Variants in SCAP observed in about 807,000 individuals in gnomAD.
SCAP encodes SREBF chaperone, also known as sterol regulatory element-binding protein cleavage-activating protein.
A neutral mutation model predicts 123.6 loss-of-function variants in SCAP; 65 were observed. The observed-to-expected ratio is 0.53, with a 90% confidence interval of 0.43 to 0.65. The LOEUF (loss-of-function observed/expected upper bound fraction) is 0.65. Among genes scored for constraint, SCAP ranks in the 30% least tolerant of loss-of-function variants. The pLI is 0.00. For missense variants in SCAP, 1,398 were observed against 1,712.5 expected (o/e 0.82, Z 3.24); for synonymous variants, 740 against 726.3 (o/e 1.02, Z -0.30).
intron 1 of SCAP, among the ~76,000 whole-genome samples, chr3:47,454,455 G>A (rs1331846908): frequency 1.3e-5 from 2 of 152,084 alleles, no homozygotes; most frequent in Non-Finnish European, 1.5e-5. Context: ...GGCCAGGCAC[G>A]GTGGCTCACA....
At position 47,419,555 on chromosome 3, in the gene SCAP, G is replaced by C; in HGVS notation, c.1713C>G (p.Ser571Arg). 6.2e-7 allele frequency: 1 copy of C among 1,613,148 alleles called. No individual in the cohort carries two copies. The highest frequency in any genetic ancestry group is 8.5e-7 in the Non-Finnish European group (1 of 1,179,386). ...MPVPSGMLPP[S>R]HPDPAFSIFP... ...AGATGGAGAAGGCAGGGTCCGGGTG[G>C]CTGGGGGGCAGCATGCCACTAGGCA... is the stretch of plus-strand genomic sequence containing the variant. The change falls in exon 13 of 23, where the codon AGC becomes AGG. Residue 571 changes from serine (S) to arginine (R), a missense_variant. Transcript: ENST00000265565. The surrounding 1 kb of genome is among the most constrained non-coding windows in gnomAD (Gnocchi z 5.0).
At chr3:47,422,646 C>A in intron 9 of SCAP, 110 bp from the exon 10 acceptor site, 1 of 857,086 alleles carries the variant, frequency 1.2e-6, no homozygotes, top group Non-Finnish European at 1.8e-6. Context: ...CCCCCCAGCC[C>A]TTTGAAGGAG....
At chr3:47,453,910 T>C (rs1379071533) in intron 1 of SCAP, among the ~76,000 whole-genome samples, 1 of 152,182 alleles carries the variant, frequency 6.6e-6, no homozygotes, top group East Asian at 1.9e-4. Context: ...CTAGATAAAA[T>C]GCTATTTCCT....
chr3:47,475,476 A>G (rs914046924), intron 1 of SCAP: 4 of 152,292 alleles, frequency 2.6e-5, no homozygotes, highest in African/African-American at 9.6e-5. Context: ...AGGTTCTACA[A>G]CAGCTTCCCG....
chr3:47,425,637 G>T (rs1159453428), intron 7 of SCAP, 26 bp from the exon 8 acceptor site: 1 of 1,611,094 alleles, frequency 6.2e-7, no homozygotes. Context: ...GGCGTATCAG[G>T]GCGGCCCCTC....
chr3:47,476,037 C>A (rs566352457), upstream of SCAP: 17 of 152,260 alleles, frequency 1.1e-4, no homozygotes, highest in South Asian at 4.1e-4. Context: ...GAACCACATT[C>A]GCGTCTCCCG....
In SCAP at chr3:47,448,091, T is replaced by C. The variant is rs374556340; in HGVS notation, c.-98-5000A>G. 9.5e-4 allele frequency among the ~76,000 whole-genome samples: 143 copies of C among 150,766 alleles called. 4 individuals are homozygous for C. The South Asian group carries it at 0.029, about 31-fold the overall frequency. On this transcript the variant is annotated intron_variant, in intron 1 of 22. Coordinates refer to ENST00000265565, the MANE Select transcript of SCAP (RefSeq NM_012235.4). ...CCTGTTTATCAAATTTGCAAAGAAC[T>C]GGCATGTTGAGTCTTCCAATCCATG...
rs536912199 is a variant in SCAP, at chr3:47,475,854, G to A, written c.-154C>T. The stretch of plus-strand genomic sequence containing the variant: ...GGCGGCGGCGGCGGCGACGGGGGCG[G>A]CAGCAGGGGCGGAGCGCGGCGTGCG... On this transcript the variant is annotated 5_prime_UTR_variant, in exon 1 of 23. Transcript: ENST00000265565. The A allele has an allele frequency of 2.9e-3, 469 of 161,222 alleles. 5 individuals are homozygous for A. The highest frequency in any genetic ancestry group is 4.4e-3 in the Non-Finnish European group (330 of 75,110). The allele number at this position is 161,222 out of a possible 1,614,324, so 10.0% of individuals were successfully genotyped here. A position where few individuals can be genotyped will look rare whatever the true frequency, so the allele number is the denominator to read the frequency against.
chr3:47,421,197 G>A (rs1705883348), intron 10 of SCAP, 168 bp from the exon 11 acceptor site: 3 of 637,176 alleles, frequency 4.7e-6, no homozygotes, highest in Non-Finnish European at 8.7e-6. Context: ...ACCAGCAGCA[G>A]CTCACCCCGT....
chr3:47,418,910 G>T, intron 13 of SCAP, 67 bp from the exon 14 acceptor site: 1 of 1,409,184 alleles, frequency 7.1e-7, no homozygotes, highest in Non-Finnish European at 9.3e-7. Flanking sequence ...GTGCTCGCCA[G>T]CCAGTCCTCT....
chr3:47,422,634 G>A, intron 9 of SCAP, 98 bp from the exon 10 acceptor site: 1 of 947,668 alleles, frequency 1.1e-6, no homozygotes, highest in East Asian at 2.6e-5. Flanking sequence ...GGCATGGCAA[G>A]GCCCCCCAGC....
intron 19 of SCAP, 27 bp from the exon 20 acceptor site, chr3:47,415,020 T>G: frequency 6.3e-7 from 1 of 1,579,628 alleles, no homozygotes; most frequent in African/African-American, 1.4e-5. Context: ...AAGTGAAGAA[T>G]CTCTGAGAAA....
rs1376961310 is a variant in SCAP at position 47,417,713 on chromosome 3, AGG to A, written c.2559_2560del (p.Leu854GlufsTer18). On this transcript the variant is annotated frameshift_variant, in exon 17 of 23. Transcript: ENST00000265565. LOFTEE classifies it high-confidence loss of function. ...CGGAGGGCCCCGGGGGCGGTGTCTC[AGG>A]GGAGGGCTGTCCCCAGGCTCCTCTG... 4 of 1,607,750 alleles carry A rather than the reference AGG, an allele frequency of 2.5e-6. No homozygotes were observed. The highest frequency in any genetic ancestry group is 2.5e-6 in the Non-Finnish European group (3 of 1,178,426).
At chr3:47,452,670 A>T (rs1707268422) in intron 1 of SCAP, among the ~76,000 whole-genome samples, 1 of 152,224 alleles carries the variant, frequency 6.6e-6, no homozygotes, top group South Asian at 2.1e-4. Flanking sequence ...ATCTCTATTT[A>T]ACACACCCTC....
At position 47,427,572 on chromosome 3, in the gene SCAP, C is replaced by G. The variant is rs1190882054; in HGVS notation, c.506G>C (p.Cys169Ser). Residue 169 changes from cysteine to serine, a missense_variant, in exon 5 of 23, where the codon TGC (cysteine) becomes TCC (serine). Transcript: ENST00000265565. Reference sequence around the variant, plus strand: ...GAAGTTCCCAGGGGACAGCAGCAGGCATCCATGCTCAGGGAGTAGGTTCCT... The same window carrying G: ...GAAGTTCCCAGGGGACAGCAGCAGGGATCCATGCTCAGGGAGTAGGTTCCT... ...KLRNLLPEHG[C>S]LLLSPGNFWQ... The G allele has an allele frequency of 1.2e-6, 2 of 1,614,182 alleles. No homozygotes were observed. The highest frequency in any genetic ancestry group is 1.7e-6 in the Non-Finnish European group (2 of 1,180,026).
rs1705816018 is a variant in SCAP, at chr3:47,419,954, A to C, written c.1564-250T>G. ...AGTTTCTTGGCCTGGAAATACACTGAAGCACCCTGAGGTTTGACACAGAAT... is the reference window on the plus strand; with the variant it reads ...AGTTTCTTGGCCTGGAAATACACTGCAGCACCCTGAGGTTTGACACAGAAT... On this transcript the variant is annotated intron_variant, in intron 12 of 22. Coordinates refer to ENST00000265565, the MANE Select transcript of SCAP (RefSeq NM_012235.4). The surrounding 1 kb of genome is among the most constrained non-coding windows in gnomAD (Gnocchi z 5.0). 6.6e-6 allele frequency among the ~76,000 whole-genome samples: 1 copy of C among 152,110 alleles called. No individual in the cohort carries two copies. Among genetic ancestry groups the C allele is most frequent in the Non-Finnish European group, 1.5e-5 (1 of 68,010 alleles).
chr3:47,434,505 A>G (rs576219343), intron 3 of SCAP, among the ~76,000 whole-genome samples: 2 of 152,322 alleles, frequency 1.3e-5, no homozygotes, highest in African/African-American at 4.8e-5. Flanking sequence ...TACAGTCCAG[A>G]AGGAGGAGTG....
In SCAP at chr3:47,426,144, G is replaced by A. The variant is rs750034280; in HGVS notation, c.763C>T (p.Leu255=). Residue 255 remains leucine, a synonymous_variant, in exon 7 of 23, where the codon CTG becomes TTG. Transcript: ENST00000265565. Reference sequence around the variant, plus strand: ...TTGGGGCTGGGGTGCAGAAGCATCAGGCGGGCACGCAGGCTGCCCAGGAAC... The same window carrying A: ...TTGGGGCTGGGGTGCAGAAGCATCAAGCGGGCACGCAGGCTGCCCAGGAAC... ...AKFLGSLRAR[L]MLLHPSPNCS... is the part of the protein sequence containing the mutation. The A allele has an allele frequency of 1.3e-5, 21 of 1,613,572 alleles. No homozygotes were observed. The highest frequency in any genetic ancestry group is 1.8e-5 in the Non-Finnish European group (21 of 1,179,878).
intron 10 of SCAP, chr3:47,421,303 G>A: frequency 2.4e-6 from 1 of 412,218 alleles, no homozygotes; most frequent in Non-Finnish European, 4.6e-6. Flanking sequence ...TCCCTCTAGA[G>A]GGGACTGAAG....
Sources: gnomAD v4.1 joint callset for allele counts (sites outside exome capture counted in the v4.1 genomes callset) on GRCh38, gnomAD v4.1.1 for gene constraint, Gnocchi (gnomAD v3.1) non-coding constraint, MANE v1.5 for transcripts, NCBI Gene and HGNC (gene_info 2026-07-23, HGNC 2026-07-21) for gene names.